Variants in UNC5D observed in about 807,000 individuals in gnomAD.
UNC5D encodes netrin receptor UNC5D.
In UNC5D, 39 loss-of-function variants were observed where a neutral mutation model predicts 105.4. That is an observed-to-expected ratio of 0.37 (90% CI 0.29 to 0.48). UNC5D has a LOEUF of 0.48. UNC5D is among the 20% of genes least tolerant of loss of function. UNC5D has a pLI of 0.98. For synonymous variants in UNC5D, 452 were observed against 450.4 expected, an observed-to-expected ratio of 1.00 and a Z score of -0.04; for missense variants, 991 against 1,202.4, an observed-to-expected ratio of 0.82 and a Z score of 2.60.
chr8:35,611,272 A>G (rs904665607), intron 4 of UNC5D, among the ~76,000 whole-genome samples: 16 of 151,946 alleles, frequency 1.1e-4, no homozygotes, highest in Admixed American at 8.5e-4. Flanking sequence ...CGTGAGCTCT[A>G]CCTCTCCCAA....
chr8:35,719,896 T>A (rs1828483023), intron 8 of UNC5D, among the ~76,000 whole-genome samples: 1 of 152,160 alleles, frequency 6.6e-6, no homozygotes, highest in East Asian at 1.9e-4. Flanking sequence ...CTGAAGTTCC[T>A]CTACTCATTT....
At chr8:35,278,649 G>A (rs868179206) in intron 1 of UNC5D, among the ~76,000 whole-genome samples, 14 of 152,022 alleles carry the variant, frequency 9.2e-5, no homozygotes, top group Middle Eastern at 3.4e-3. Context: ...TTTGATGTAA[G>A]TATACATGGT....
intron 1 of UNC5D, among the ~76,000 whole-genome samples, chr8:35,437,376 A>T (rs1188986007): frequency 2.0e-5 from 3 of 152,078 alleles, no homozygotes; most frequent in Non-Finnish European, 2.9e-5. Flanking sequence ...TGAAAAAAAA[A>T]AGTAATCCTT....
At chr8:35,586,696 C>T (rs911816771) in intron 3 of UNC5D, among the ~76,000 whole-genome samples, 1 of 152,118 alleles carries the variant, frequency 6.6e-6, no homozygotes, top group Non-Finnish European at 1.5e-5. Context: ...TGTAGCTGGA[C>T]AACTAATGGG....
intron 1 of UNC5D, among the ~76,000 whole-genome samples, chr8:35,395,214 AG>A (rs1804023430): frequency 6.6e-6 from 1 of 152,236 alleles, no homozygotes. Flanking sequence ...CACATCTTAA[AG>A]AACAAGGGCT....
chr8:35,465,898 CA>C (rs1438828027), intron 1 of UNC5D, among the ~76,000 whole-genome samples: 1 of 152,042 alleles, frequency 6.6e-6, no homozygotes, highest in Non-Finnish European at 1.5e-5. Flanking sequence ...CACCATTGCT[CA>C]TTTTGAAGGT....
intron 1 of UNC5D, among the ~76,000 whole-genome samples, chr8:35,309,673 AT>A (rs1389766774): frequency 6.6e-6 from 1 of 151,920 alleles, no homozygotes; most frequent in African/African-American, 2.4e-5. Flanking sequence ...TTTCTCTCAC[AT>A]TTTTTTTCAT....
intron 2 of UNC5D, among the ~76,000 whole-genome samples, chr8:35,557,618 A>G (rs1340707854): frequency 1.3e-5 from 2 of 152,102 alleles, no homozygotes; most frequent in African/African-American, 2.4e-5. Context: ...TTTCTTCCCT[A>G]TCTGTCAGTT....
At chr8:35,277,610 C>T (rs1334876445) in intron 1 of UNC5D, among the ~76,000 whole-genome samples, 1 of 152,142 alleles carries the variant, frequency 6.6e-6, no homozygotes. Flanking sequence ...TCCTGACTGC[C>T]GCTCACGGCC....
At chr8:35,563,745 G>A (rs1041873762) in intron 2 of UNC5D, among the ~76,000 whole-genome samples, 1 of 152,046 alleles carries the variant, frequency 6.6e-6, no homozygotes, top group Non-Finnish European at 1.5e-5. Context: ...GTTGTTAGCT[G>A]TAGGTTTGTC....
At chr8:35,411,374 T>G (rs1805154217) in intron 1 of UNC5D, among the ~76,000 whole-genome samples, 1 of 152,046 alleles carries the variant, frequency 6.6e-6, no homozygotes, top group African/African-American at 2.4e-5. Context: ...AAACAGAAAT[T>G]GGATGAGTCC....
chr8:35,324,706 G>A (rs1810021553), intron 1 of UNC5D, among the ~76,000 whole-genome samples: 1 of 152,128 alleles, frequency 6.6e-6, no homozygotes, highest in Admixed American at 6.5e-5. Context: ...AAATAAAAAT[G>A]AATATTATAT....
At chr8:35,395,430 AAAAAG>A (rs1304989949) in intron 1 of UNC5D, among the ~76,000 whole-genome samples, 2 of 152,236 alleles carry the variant, frequency 1.3e-5, no homozygotes, top group Admixed American at 6.5e-5. Flanking sequence ...TTTCCATATC[AAAAAG>A]AAAAGAAAAC....
chr8:35,368,091 T>C (rs1362474007), intron 1 of UNC5D, among the ~76,000 whole-genome samples: 2 of 152,156 alleles, frequency 1.3e-5, no homozygotes, highest in African/African-American at 4.8e-5. Flanking sequence ...AAGTGACATA[T>C]TTCCAAATGC....
intron 1 of UNC5D, among the ~76,000 whole-genome samples, chr8:35,344,073 T>C (rs998351763): frequency 6.6e-6 from 1 of 151,960 alleles, no homozygotes; most frequent in Non-Finnish European, 1.5e-5. Context: ...AATGGTTCTG[T>C]TGGGATTTGA....
At chr8:35,259,819 GCTGGTAA>G (rs945750699) in intron 1 of UNC5D, among the ~76,000 whole-genome samples, 8 of 151,568 alleles carry the variant, frequency 5.3e-5, no homozygotes, top group Admixed American at 3.9e-4. Flanking sequence ...GTATGTGGAC[GCTGGTAA>G]AAAGGTGGAG....
chr8:35,501,730 T>C (rs1811985909), intron 1 of UNC5D, among the ~76,000 whole-genome samples: 1 of 152,224 alleles, frequency 6.6e-6, no homozygotes, highest in South Asian at 2.1e-4. Flanking sequence ...CTTACCATCA[T>C]TAGAATGTAC....
chr8:35,380,090 G>C (rs1043592132), intron 1 of UNC5D, among the ~76,000 whole-genome samples: 1 of 108,092 alleles, frequency 9.3e-6, no homozygotes, highest in African/African-American at 3.5e-5. Flanking sequence ...TTGGGGGTGG[G>C]GGGGGGGTCG....
At chr8:35,242,248 G>A (rs776489563) in intron 1 of UNC5D, among the ~76,000 whole-genome samples, 9 of 152,062 alleles carry the variant, frequency 5.9e-5, no homozygotes, top group Non-Finnish European at 1.0e-4. Flanking sequence ...ATGTTTTGTC[G>A]TTACCTAAAT....
Sources: gnomAD v4.1 joint callset for allele counts (sites outside exome capture counted in the v4.1 genomes callset) on GRCh38, gnomAD v4.1.1 for gene constraint, MANE v1.5 for transcripts, NCBI Gene and HGNC (gene_info 2026-07-23, HGNC 2026-07-21) for gene names.